DPP10: variants seen among roughly 807,000 people sequenced by gnomAD.
DPP10 encodes inactive dipeptidyl peptidase 10.
Under a neutral mutation model 120.9 loss-of-function variants are expected in DPP10, and 33 were observed. The ratio of observed to expected loss-of-function variants is 0.27; its 90% confidence interval spans 0.21 to 0.37. The LOEUF (loss-of-function observed/expected upper bound fraction) is 0.37, where lower values mean the gene tolerates loss of function less well. Ranked by LOEUF, DPP10 falls within the 10% of genes least tolerant of loss-of-function variation. The pLI, the probability that DPP10 is intolerant of heterozygous loss-of-function variation, is 1.00. For synonymous variants in DPP10, 337 were observed against 326.1 expected, an observed-to-expected ratio of 1.03 and a Z score of -0.36; for missense variants, 816 against 942.8, an observed-to-expected ratio of 0.87 and a Z score of 1.76.
chr2:115,271,910 G>C (rs934557568), intron 1 of DPP10, among the ~76,000 whole-genome samples: 6 of 152,104 alleles, frequency 3.9e-5, no homozygotes, highest in African/African-American at 1.4e-4. Context: ...TTTGTGTTAA[G>C]AAAATATTTC....
chr2:115,702,995 T>A (rs2091953570), intron 7 of DPP10, among the ~76,000 whole-genome samples: 1 of 152,004 alleles, frequency 6.6e-6, no homozygotes, highest in Non-Finnish European at 1.5e-5. Flanking sequence ...TCAGAATTAC[T>A]CATTGTAGAA....
Position 115,463,189 on chromosome 2 carries a change from A to G in DPP10, c.272-36321A>G, listed in dbSNP as rs531212047. ...CAACTCTTCCTTATACCACTACAGC[A>G]TCCTATTTCTATACATGCATTACTT... On this transcript the variant is annotated intron_variant, in intron 3 of 25. Coordinates refer to ENST00000410059, the MANE Select transcript of DPP10 (RefSeq NM_020868.6). Among the ~76,000 whole-genome samples the G allele has an allele frequency of 5.3e-5, 8 of 152,274 alleles. 1 individual carries two copies. Among genetic ancestry groups the G allele is most frequent in the African/African-American group, 1.9e-4 (8 of 41,564 alleles).
At chr2:115,148,853 C>T (rs1380233337) in intron 1 of DPP10, among the ~76,000 whole-genome samples, 1 of 152,112 alleles carries the variant, frequency 6.6e-6, no homozygotes, top group African/African-American at 2.4e-5. Flanking sequence ...CAAAAATAAC[C>T]ACCCTCTTGA....
chr2:115,178,162 C>T (rs546190028), intron 1 of DPP10, among the ~76,000 whole-genome samples: 1 of 152,008 alleles, frequency 6.6e-6, no homozygotes, highest in Non-Finnish European at 1.5e-5. Context: ...TAAGTGATAG[C>T]CAGTCTTGGT....
At chr2:115,162,237 C>T in intron 1 of DPP10, 1 of 1,561,628 alleles carries the variant, frequency 6.4e-7, no homozygotes, top group Non-Finnish European at 8.7e-7. Context: ...CGAGAGGATG[C>T]GCAAGGTGGA....
intron 3 of DPP10, among the ~76,000 whole-genome samples, chr2:115,478,935 G>A (rs1041096305): frequency 6.6e-6 from 1 of 152,140 alleles, no homozygotes; most frequent in African/African-American, 2.4e-5. Context: ...GAAACTGAAA[G>A]TCTTGTGCAC....
At chr2:114,621,907 T>G (rs1037338688) in intron 1 of DPP10, among the ~76,000 whole-genome samples, 2 of 151,810 alleles carry the variant, frequency 1.3e-5, no homozygotes, top group Non-Finnish European at 2.9e-5. Context: ...TATTCTGGGT[T>G]GAGCGAGTGA....
At chr2:115,420,587 A>G (rs2069851241) in intron 3 of DPP10, among the ~76,000 whole-genome samples, 1 of 152,228 alleles carries the variant, frequency 6.6e-6, no homozygotes, top group South Asian at 2.1e-4. Flanking sequence ...CTAAAAATAT[A>G]ATATGGTTAT....
intron 21 of DPP10, among the ~76,000 whole-genome samples, chr2:115,828,543 T>C (rs962071878): frequency 2.0e-5 from 3 of 151,492 alleles, no homozygotes; most frequent in African/African-American, 7.3e-5. Context: ...GCTGTTCAAT[T>C]TTTTTTTTAA....
chr2:115,556,380 T>TTTTC (rs1261219272), intron 5 of DPP10, among the ~76,000 whole-genome samples: 3 of 150,830 alleles, frequency 2.0e-5, no homozygotes, highest in Admixed American at 1.3e-4. Context: ...TTTTTTTTTT[T>TTTTC]TTCTCATCAG....
chr2:115,591,282 G>C (rs186342989), intron 5 of DPP10, among the ~76,000 whole-genome samples: 1 of 152,200 alleles, frequency 6.6e-6, no homozygotes, highest in East Asian at 1.9e-4. Context: ...GAGTTTTTAT[G>C]GTTTTAGGTC....
intron 1 of DPP10, among the ~76,000 whole-genome samples, chr2:115,127,053 A>G (rs374809517): frequency 2.4e-4 from 37 of 152,308 alleles, no homozygotes; most frequent in African/African-American, 8.7e-4. Flanking sequence ...AAAGGATGGA[A>G]AAGTCTAGTA....
rs183756918 is a variant in DPP10 at position 114,726,213 on chromosome 2, G to A, written c.60+283375G>A. On this transcript the variant is annotated intron_variant, in intron 1 of 25. Transcript: ENST00000410059. ...ATTGCACCACTGCACTCCAGCCTGG[G>A]AAACAGAGCGAGACTACGTCTAAAA... Among the ~76,000 whole-genome samples the A allele has an allele frequency of 9.8e-3, 1,462 of 149,138 alleles. 19 individuals are homozygous for A. The highest frequency in any genetic ancestry group is 0.034 in the African/African-American group (1,383 of 40,286).
intron 7 of DPP10, among the ~76,000 whole-genome samples, chr2:115,702,685 T>TA (rs1422035839): frequency 2.0e-5 from 3 of 152,062 alleles, no homozygotes; most frequent in Non-Finnish European, 4.4e-5. Flanking sequence ...AGTGGTTACT[T>TA]ACAGTTGGAA....
At chr2:115,367,815 A>G (rs2106382411) in intron 3 of DPP10, among the ~76,000 whole-genome samples, 3 of 152,176 alleles carry the variant, frequency 2.0e-5, no homozygotes, top group Middle Eastern at 6.8e-3. Context: ...ATCTAATAAA[A>G]CTAGTTTTAG....
At chr2:114,662,170 T>C (rs1020926927) in intron 1 of DPP10, among the ~76,000 whole-genome samples, 9 of 151,876 alleles carry the variant, frequency 5.9e-5, no homozygotes, top group East Asian at 3.9e-4. Flanking sequence ...GAGCGAACGG[T>C]GCGTGATGGA....
At chr2:114,896,617 A>T (rs972913783) in intron 1 of DPP10, among the ~76,000 whole-genome samples, 5 of 152,228 alleles carry the variant, frequency 3.3e-5, no homozygotes, top group Non-Finnish European at 5.9e-5. Context: ...GTTGCTTATC[A>T]GTTTAAGGAG....
chr2:115,454,586 A>C (rs1309009431), intron 3 of DPP10, among the ~76,000 whole-genome samples: 1 of 151,870 alleles, frequency 6.6e-6, no homozygotes, highest in Non-Finnish European at 1.5e-5. Context: ...TAAAATGACA[A>C]ACAGTATTTA....
At chr2:115,711,402 C>T (rs548030772) in intron 7 of DPP10, among the ~76,000 whole-genome samples, 4 of 152,154 alleles carry the variant, frequency 2.6e-5, no homozygotes, top group South Asian at 2.1e-4. Context: ...ACAGTGGCTA[C>T]GTATTTGCAG....
Sources: gnomAD v4.1 joint callset for allele counts (sites outside exome capture counted in the v4.1 genomes callset) on GRCh38, gnomAD v4.1.1 for gene constraint, MANE v1.5 for transcripts, NCBI Gene and HGNC (gene_info 2026-07-23, HGNC 2026-07-21) for gene names.